Variants in SLC16A1 observed in about 807,000 individuals in gnomAD.
SLC16A1 encodes solute carrier family 16 member 1.
SLC16A1 carries 11 observed loss-of-function variants against 32.2 expected under a neutral mutation model. The observed-to-expected ratio is 0.34, with a 90% CI of 0.21 to 0.56. SLC16A1 has a LOEUF of 0.56. SLC16A1 is among the 20% of genes least tolerant of loss of function. The probability of loss-of-function intolerance (pLI) is 0.87; values close to 1 mark genes in which losing one functional copy is unlikely to be tolerated. For synonymous variants in SLC16A1, 231 were observed against 226.8 expected (o/e 1.02, Z -0.17); for missense variants, 435 against 615.0 (o/e 0.71, Z 3.10).
At chr1:112,930,241 A>C (rs951559710) in intron 1 of SLC16A1, among the ~76,000 whole-genome samples, 5 of 152,190 alleles carry the variant, frequency 3.3e-5, no homozygotes, top group African/African-American at 1.2e-4. Context: ...TTAACCTGCG[A>C]TCTAACTCCA....
intron 3 of SLC16A1, among the ~76,000 whole-genome samples, chr1:112,918,950 G>A (rs1557844781): frequency 6.6e-6 from 1 of 151,870 alleles, no homozygotes; most frequent in Non-Finnish European, 1.5e-5. Flanking sequence ...ACAAAGTTTT[G>A]GGAAAATAAA....
At chr1:112,923,026 T>C (rs1385458902) in intron 2 of SLC16A1, among the ~76,000 whole-genome samples, 1 of 151,872 alleles carries the variant, frequency 6.6e-6, no homozygotes, top group Non-Finnish European at 1.5e-5. Flanking sequence ...TTCTCTTGCC[T>C]CAGCCTCCTG....
chr1:112,922,056 C>T lies in SLC16A1; in HGVS notation c.295G>A (p.Gly99Ser), dbSNP rs1461742764. 5 of 1,614,004 alleles carry T rather than the reference C, an allele frequency of 3.1e-6. No homozygotes were observed. Among genetic ancestry groups the T allele is most frequent in the African/African-American group, 1.3e-5 (1 of 74,918 alleles). ...MIVGGCLSGCGLIAASFCNTV... is the reference protein window; with the variant it reads ...MIVGGCLSGCSLIAASFCNTV... ...TTACAGAAAGAAGCTGCAATCAAGC[C>T]ACAGCCTGACAAGCAGCCACCAACA... Residue 99 changes from glycine to serine, a missense_variant, in exon 3 of 5, where the codon GGC becomes AGC. Transcript: ENST00000369626.
Position 112,917,886 on chromosome 1 carries a change from A to T in SLC16A1, c.520T>A (p.Trp174Arg), listed in dbSNP as rs1469470116. Reference protein sequence around the residue: ...LNQVFFGIFGWRGSFLILGGL... With the variant: ...LNQVFFGIFGRRGSFLILGGL... ...CCAAGAATTAGAAAGCTTCCTCTCC[A>T]TCCAAAGATACCGAAGAAAACCTGA... The change falls in exon 4 of 5, where the codon TGG becomes AGG. Residue 174 changes from tryptophan (W) to arginine (R), a missense_variant. By Grantham distance (101) the Trp-to-Arg change is moderately radical. Around this residue, in one of 2 missense-constraint regions of SLC16A1, gnomAD observed 324 missense variants for 500.3 expected, o/e 0.65. Transcript: ENST00000369626. This position sits in a 1 kb window ranked among gnomAD's most constrained non-coding sequence, Gnocchi z 4.1. 7 of 1,609,906 alleles carry T rather than the reference A, an allele frequency of 4.3e-6. No homozygotes were observed. The highest frequency in any genetic ancestry group is 2.7e-5 in the African/African-American group (2 of 74,534).
chr1:112,926,796 T>C (rs2101631227), intron 2 of SLC16A1, among the ~76,000 whole-genome samples: 1 of 151,872 alleles, frequency 6.6e-6, no homozygotes, highest in South Asian at 2.1e-4. Flanking sequence ...ACCGATCACC[T>C]GAGGCCAGGG....
chr1:112,943,075 C>T (rs548768521), intron 1 of SLC16A1, among the ~76,000 whole-genome samples: 1 of 152,216 alleles, frequency 6.6e-6, no homozygotes, highest in Non-Finnish European at 1.5e-5. Flanking sequence ...TGACTTACAT[C>T]ATTTGTTCAA....
chr1:112,915,834 CCAAAT>C (rs1019111732), intron 4 of SLC16A1, among the ~76,000 whole-genome samples: 1 of 152,082 alleles, frequency 6.6e-6, no homozygotes, highest in Non-Finnish European at 1.5e-5. Context: ...CACTCACTCC[CCAAAT>C]CAAAGTTCCT....
intron 2 of SLC16A1, among the ~76,000 whole-genome samples, chr1:112,926,697 C>T (rs1368828846): frequency 6.6e-6 from 1 of 151,898 alleles, no homozygotes; most frequent in African/African-American, 2.4e-5. Context: ...AACATTGCAA[C>T]AACCCATCTC....
chr1:112,941,489 G>T (rs992899471), intron 1 of SLC16A1, among the ~76,000 whole-genome samples: 1 of 152,080 alleles, frequency 6.6e-6, no homozygotes, highest in African/African-American at 2.4e-5. Flanking sequence ...CTCCATGTTG[G>T]TCAGGCTGGT....
Position 112,922,029 on chromosome 1 carries a change from T to C in SLC16A1, c.322A>G (p.Thr108Ala). ...ATACAGACGTATAGTTGCTGTACGGTGTTACAGAAAGAAGCTGCAATCAAG... is the reference window on the plus strand; with the variant it reads ...ATACAGACGTATAGTTGCTGTACGGCGTTACAGAAAGAAGCTGCAATCAAG... Reference protein sequence around the residue: ...CGLIAASFCNTVQQLYVCIGV... With the variant: ...CGLIAASFCNAVQQLYVCIGV... Residue 108 changes from threonine to alanine, a missense_variant, in exon 3 of 5, where the codon ACC becomes GCC. This residue lies in a region of SLC16A1 where 324 missense variants were observed against 500.3 expected (regional missense o/e 0.65). Coordinates refer to ENST00000369626, the MANE Select transcript of SLC16A1 (RefSeq NM_003051.4). 1 of 1,614,098 alleles carries C rather than the reference T, an allele frequency of 6.2e-7. No individual in the cohort carries two copies. Among genetic ancestry groups the C allele is most frequent in the Non-Finnish European group, 8.5e-7 (1 of 1,180,016 alleles).
At position 112,917,159 on chromosome 1, in the gene SLC16A1, G is replaced by A. The variant is rs1648541901; in HGVS notation, c.1228+19C>T. 6.2e-7 allele frequency: 1 copy of A among 1,613,914 alleles called. No individual in the cohort carries two copies. On this transcript the variant is annotated intron_variant, in intron 4 of 4. Coordinates refer to ENST00000369626, the MANE Select transcript of SLC16A1 (RefSeq NM_003051.4). The surrounding 1 kb of genome is among the most constrained non-coding windows in gnomAD (Gnocchi z 4.1). The stretch of plus-strand genomic sequence containing the variant: ...CTTGTTTTGTAATAGACCCACATTA[G>A]TAGGGAGATATACTATACCTAAAAG...
chr1:112,922,345 T>C (rs1648765812), intron 2 of SLC16A1: 3 of 583,700 alleles, frequency 5.1e-6, no homozygotes, highest in African/African-American at 3.7e-5. Flanking sequence ...CTAAAAATAC[T>C]GGATGGAATT....
At chr1:112,944,783 C>T (rs767394935) in intron 1 of SLC16A1, among the ~76,000 whole-genome samples, 39 of 152,190 alleles carry the variant, frequency 2.6e-4, no homozygotes, top group Admixed American at 7.2e-4. Context: ...ACCCCTGCAT[C>T]CCAGGTTCAA....
At chr1:112,935,609 T>C (rs1570636485) in intron 1 of SLC16A1, among the ~76,000 whole-genome samples, 2 of 152,110 alleles carry the variant, frequency 1.3e-5, no homozygotes, top group East Asian at 1.9e-4. Context: ...AAAAAGAGAA[T>C]AGAGAATGGA....
At chr1:112,945,390 G>C (rs984078098) in intron 1 of SLC16A1, among the ~76,000 whole-genome samples, 1 of 152,004 alleles carries the variant, frequency 6.6e-6, no homozygotes, top group Non-Finnish European at 1.5e-5. Flanking sequence ...ATTACCTACT[G>C]TTGGCCGGGC....
intron 2 of SLC16A1, 21 bp from the exon 3 acceptor site, chr1:112,922,154 T>C (rs1468052028): frequency 2.5e-6 from 4 of 1,612,938 alleles, no homozygotes; most frequent in Non-Finnish European, 3.4e-6. Flanking sequence ...ACCAAAAATG[T>C]AGTAATATAA....
intron 1 of SLC16A1, among the ~76,000 whole-genome samples, chr1:112,945,599 C>T (rs1034681137): frequency 4.0e-5 from 6 of 150,344 alleles, no homozygotes; most frequent in African/African-American, 9.8e-5. Flanking sequence ...CACTTGAACC[C>T]GGGAGTCGGA....
rs1378252959 is a variant in SLC16A1, at chr1:112,912,750, C to T, written c.*1141G>A. On this transcript the variant is annotated 3_prime_UTR_variant, in exon 5 of 5. Transcript: ENST00000369626. Reference sequence around the variant, plus strand: ...TTAGCAACTTCTTTCCCAATCCTATCTTTATTCGTTTGCCTGGTGCCAAAT... The same window carrying T: ...TTAGCAACTTCTTTCCCAATCCTATTTTTATTCGTTTGCCTGGTGCCAAAT... 1 of 151,832 alleles carries T rather than the reference C, an allele frequency of 6.6e-6. No homozygotes were observed. The highest frequency in any genetic ancestry group is 2.4e-5 in the African/African-American group (1 of 41,316). 9.4% of individuals were successfully genotyped at this position (151,832 alleles called of 1,614,324 possible).
intron 1 of SLC16A1, among the ~76,000 whole-genome samples, chr1:112,931,420 T>C (rs529871233): frequency 3.3e-5 from 5 of 151,866 alleles, no homozygotes; most frequent in Admixed American, 6.6e-5. Context: ...CAGAGGTAGG[T>C]AGATCACCTG....
Sources: allele counts gnomAD v4.1 joint callset (sites outside exome capture counted in the v4.1 genomes callset), GRCh38; gene constraint gnomAD v4.1.1; regional missense constraint gnomAD v4.1.1; non-coding constraint Gnocchi (gnomAD v3.1); transcripts MANE v1.5; gene names NCBI Gene and HGNC (gene_info 2026-07-23, HGNC 2026-07-21).